DYNC1I1: variants seen among roughly 807,000 people sequenced by gnomAD.
The protein encoded by DYNC1I1 is cytoplasmic dynein 1 intermediate chain 1.
Under a neutral mutation model 86.6 loss-of-function variants are expected in DYNC1I1, and 43 were observed. The observed-to-expected ratio is 0.50, with a 90% CI of 0.39 to 0.64. The LOEUF (loss-of-function observed/expected upper bound fraction) is 0.64. Ranked by LOEUF, DYNC1I1 falls within the 30% of genes least tolerant of loss-of-function variation. The pLI is 0.00. For synonymous variants in DYNC1I1, 262 were observed against 283.7 expected, an observed-to-expected ratio of 0.92 and a Z score of 0.77; for missense variants, 604 against 788.8, an observed-to-expected ratio of 0.77 and a Z score of 2.81.
At chr7:96,028,640 A>G (rs958692343) in intron 11 of DYNC1I1, among the ~76,000 whole-genome samples, 2 of 152,232 alleles carry the variant, frequency 1.3e-5, no homozygotes, top group Non-Finnish European at 2.9e-5. Flanking sequence ...CATTTACATT[A>G]TAAGGTGGAA....
chr7:95,781,493 G>A (rs1347872748), intron 1 of DYNC1I1, among the ~76,000 whole-genome samples: 1 of 152,108 alleles, frequency 6.6e-6, no homozygotes, highest in Non-Finnish European at 1.5e-5. Context: ...TTGTCGAGGA[G>A]GAGGAAGATA....
At chr7:95,905,732 A>G (rs1791160167) in intron 6 of DYNC1I1, among the ~76,000 whole-genome samples, 1 of 150,408 alleles carries the variant, frequency 6.6e-6, no homozygotes, top group African/African-American at 2.5e-5. Context: ...GCATTTCATT[A>G]TCCTGTCAAC....
chr7:95,868,926 C>T (rs566277825), intron 5 of DYNC1I1, among the ~76,000 whole-genome samples: 13 of 151,548 alleles, frequency 8.6e-5, no homozygotes, highest in South Asian at 6.3e-4. Flanking sequence ...TATACCTCCA[C>T]GACTGGATGT....
chr7:95,970,431 T>C (rs563728686), intron 6 of DYNC1I1, among the ~76,000 whole-genome samples: 19 of 152,270 alleles, frequency 1.2e-4, no homozygotes, highest in African/African-American at 2.6e-4. Context: ...GTGATTTTCA[T>C]TGAGGGTCAA....
chr7:96,021,138 C>G (rs773600473), intron 10 of DYNC1I1, among the ~76,000 whole-genome samples: 1 of 151,964 alleles, frequency 6.6e-6, no homozygotes, highest in East Asian at 1.9e-4. Context: ...GTCACTGAAC[C>G]GTACACTTGA....
intron 10 of DYNC1I1, among the ~76,000 whole-genome samples, chr7:96,019,818 A>G (rs1401180117): frequency 6.6e-6 from 1 of 152,154 alleles, no homozygotes; most frequent in Non-Finnish European, 1.5e-5. Context: ...TTGGAGAAAG[A>G]TTTGTTGAGC....
chr7:95,976,100 G>A (rs1793296873), intron 6 of DYNC1I1, among the ~76,000 whole-genome samples: 1 of 152,032 alleles, frequency 6.6e-6, no homozygotes, highest in African/African-American at 2.4e-5. Flanking sequence ...AAAATTTTAG[G>A]TGCGACTTTT....
chr7:96,097,511 C>G lies in DYNC1I1; in HGVS notation c.1805C>G (p.Thr602Ser), dbSNP rs1584319961. Residue 602 changes from threonine to serine, a missense_variant, in exon 17 of 17, where the codon ACC (threonine) becomes AGC (serine). Transcript: ENST00000447467. ...ELAVPHNDEW[T>S]RFARTLVEIR... Reference sequence around the variant, plus strand: ...GCAGTTCCCCACAATGATGAATGGACCCGATTTGCCAGGACCCTTGTGGAA... The same window carrying G: ...GCAGTTCCCCACAATGATGAATGGAGCCGATTTGCCAGGACCCTTGTGGAA... 17 of 1,613,766 alleles carry G rather than the reference C, an allele frequency of 1.1e-5. No homozygotes were observed. In the East Asian group the frequency reaches 3.8e-4, roughly 36 times the overall value.
At chr7:96,043,898 TG>T (rs1183238912) in intron 14 of DYNC1I1, among the ~76,000 whole-genome samples, 2 of 151,900 alleles carry the variant, frequency 1.3e-5, no homozygotes, top group African/African-American at 4.8e-5. Flanking sequence ...TTAGTAGAGA[TG>T]GGGTTTCACC....
chr7:96,044,265 A>G (rs1370560161), intron 14 of DYNC1I1, among the ~76,000 whole-genome samples: 1 of 152,198 alleles, frequency 6.6e-6, no homozygotes, highest in Non-Finnish European at 1.5e-5. Flanking sequence ...GCAATTAGTA[A>G]TAATGGCTAA....
intron 12 of DYNC1I1, 45 bp downstream of exon 12, chr7:96,032,825 A>G: frequency 6.7e-7 from 1 of 1,493,980 alleles, no homozygotes; most frequent in South Asian, 1.1e-5. Flanking sequence ...TGGTTAAAAG[A>G]GATACCTACT....
chr7:95,826,466 A>G (rs1395028704), intron 4 of DYNC1I1, among the ~76,000 whole-genome samples: 1 of 152,184 alleles, frequency 6.6e-6, no homozygotes, highest in Non-Finnish European at 1.5e-5. Flanking sequence ...ACCTGCATTT[A>G]ATCCTTGTAG....
chr7:95,838,575 A>G (rs563925392), intron 5 of DYNC1I1, among the ~76,000 whole-genome samples: 134 of 152,314 alleles, frequency 8.8e-4, no homozygotes, highest in African/African-American at 2.5e-3. Flanking sequence ...TCTATGAAAA[A>G]TATCATTTAA....
At chr7:95,906,283 T>A (rs1046899036) in intron 6 of DYNC1I1, among the ~76,000 whole-genome samples, 1 of 152,196 alleles carries the variant, frequency 6.6e-6, no homozygotes, top group Admixed American at 6.6e-5. Flanking sequence ...GGCAAGTTAC[T>A]TAATCCCCTT....
At chr7:96,011,147 A>C (rs1395529434) in intron 10 of DYNC1I1, among the ~76,000 whole-genome samples, 1 of 152,192 alleles carries the variant, frequency 6.6e-6, no homozygotes, top group Non-Finnish European at 1.5e-5. Flanking sequence ...AGTACCTTGC[A>C]TTTGCCATAA....
Position 95,813,845 on chromosome 7 carries a change from G to A in DYNC1I1, c.314+508G>A, listed in dbSNP as rs771724073. 2.0e-5 allele frequency among the ~76,000 whole-genome samples: 3 copies of A among 152,084 alleles called. No individual in the cohort carries two copies. The East Asian group carries it at 5.8e-4, about 29-fold the overall frequency. Reference sequence around the variant, plus strand: ...TATTGTATTATTATTGGTAGTAGTAGTATCAGGATTGGCTGCTTCTGTTTA... The same window carrying A: ...TATTGTATTATTATTGGTAGTAGTAATATCAGGATTGGCTGCTTCTGTTTA... On this transcript the variant is annotated intron_variant, in intron 4 of 16. Coordinates refer to ENST00000447467, the MANE Select transcript of DYNC1I1 (RefSeq NM_001135556.2).
intron 6 of DYNC1I1, among the ~76,000 whole-genome samples, chr7:95,890,100 T>TA (rs1335126534): frequency 6.6e-6 from 1 of 152,178 alleles, no homozygotes; most frequent in Non-Finnish European, 1.5e-5. Flanking sequence ...TCTGATGTAA[T>TA]AAATCATTCT....
At chr7:95,986,865 G>T (rs1238716186) in intron 8 of DYNC1I1, among the ~76,000 whole-genome samples, 191 bp from the exon 9 acceptor site, 1 of 152,022 alleles carries the variant, frequency 6.6e-6, no homozygotes, top group African/African-American at 2.4e-5. Flanking sequence ...CCCTTGCCAG[G>T]TCAGGTTAGA....
intron 14 of DYNC1I1, among the ~76,000 whole-genome samples, chr7:96,064,886 CAAGGATGGT>C (rs1283049298): frequency 1.3e-5 from 2 of 151,314 alleles, no homozygotes; most frequent in African/African-American, 2.4e-5. Context: ...TCCAAAAAAT[CAAGGATGGT>C]GTATCTAAAT....
Sources: allele counts gnomAD v4.1 joint callset (sites outside exome capture counted in the v4.1 genomes callset), GRCh38; gene constraint gnomAD v4.1.1; transcripts MANE v1.5; gene names NCBI Gene and HGNC (gene_info 2026-07-23, HGNC 2026-07-21).